The following NDUFB8 variants were observed in gnomAD, a reference collection of about 807,000 sequenced individuals.
The protein encoded by NDUFB8 is NADH:ubiquinone oxidoreductase subunit B8.
Under a neutral mutation model 26.0 loss-of-function variants are expected in NDUFB8, and 17 were observed. The ratio of observed to expected loss-of-function variants is 0.65; its 90% CI spans 0.45 to 0.98. NDUFB8 has a LOEUF of 0.98. Ranked by LOEUF, NDUFB8 falls within the 50% of genes least tolerant of loss-of-function variation. NDUFB8 has a pLI of 0.00. For synonymous variants in NDUFB8, 89 were observed against 93.1 expected (o/e 0.96, Z 0.25); for missense variants, 238 against 255.0 (o/e 0.93, Z 0.45).
Position 100,529,524 on chromosome 10 carries a change from A to G in NDUFB8, c.86-18T>C. The G allele has an allele frequency of 6.2e-7, 1 of 1,611,494 alleles. No homozygotes were observed. Among genetic ancestry groups the G allele is most frequent in the Non-Finnish European group, 8.5e-7 (1 of 1,179,268 alleles). On this transcript the variant is annotated intron_variant, in intron 1 of 4. Coordinates refer to ENST00000299166, the MANE Select transcript of NDUFB8 (RefSeq NM_005004.4). ...GTGGGAGGCTAGAACGCAGAAGAGA[A>G]CAGGTCAGAAGCGAGCCCGCTCTCC...
chr10:100,524,199 G>C lies in NDUFB8; in HGVS notation c.469-270C>G. 1 of 1,409,658 alleles carries C rather than the reference G, an allele frequency of 7.1e-7. No individual in the cohort carries two copies. The highest frequency in any genetic ancestry group is 9.8e-7 in the Non-Finnish European group (1 of 1,017,148). The allele number at this position is 1,409,658 out of a possible 1,614,324, so 87.3% of individuals were successfully genotyped here. A position where few individuals can be genotyped will look rare whatever the true frequency, so the allele number is the denominator to read the frequency against. On this transcript the variant is annotated intron_variant, in intron 4 of 4. Transcript: ENST00000299166. This position sits in a 1 kb window ranked among gnomAD's most constrained non-coding sequence, Gnocchi z 4.0. ...GGTTAGGGAAAGGAGGGGAAGGGAG[G>C]AAGACAGGGAGGGAGGTAAAGAAAG... is the stretch of plus-strand genomic sequence containing the variant.
At position 100,524,056 on chromosome 10, in the gene NDUFB8, T is replaced by G; in HGVS notation, c.469-127A>C. On this transcript the variant is annotated intron_variant, in intron 4 of 4. Transcript: ENST00000299166. This position sits in a 1 kb window ranked among gnomAD's most constrained non-coding sequence, Gnocchi z 4.0. ...AGCCTCTGGTCAGACCCAGCTGGGC[T>G]AGGAAGGCAGGAACAGCACTCCTCT... 1 of 1,582,328 alleles carries G rather than the reference T, an allele frequency of 6.3e-7. No individual in the cohort carries two copies. Among genetic ancestry groups the G allele is most frequent in the African/African-American group, 1.3e-5 (1 of 74,130 alleles).
Position 100,526,525 on chromosome 10 carries a change from C to T in NDUFB8, c.342G>A (p.Arg114=). The change falls in exon 4 of 5, where the codon AGG becomes AGA. Residue 114 remains arginine, a synonymous_variant. Transcript: ENST00000299166. ...PMHWHLDMYN[R]NRVDTSPTPV... is the part of the protein sequence containing the mutation. Reference sequence around the variant, plus strand: ...GTGTGGGGGATGTATCCACACGGTTCCTGTTGTACATGTCTAGGTGCCAGT... The same window carrying T: ...GTGTGGGGGATGTATCCACACGGTTTCTGTTGTACATGTCTAGGTGCCAGT... The T allele has an allele frequency of 6.2e-7, 1 of 1,612,730 alleles. No homozygotes were observed. The highest frequency in any genetic ancestry group is 8.5e-7 in the Non-Finnish European group (1 of 1,179,704).
At chr10:100,529,643 A>G (rs899824832) in intron 1 of NDUFB8, 124 bp downstream of exon 1, 4 of 1,534,428 alleles carry the variant, frequency 2.6e-6, no homozygotes, top group Non-Finnish European at 3.5e-6. Flanking sequence ...TTTTCTGGAT[A>G]TATCAACGCC....
chr10:100,524,203 A>G lies in NDUFB8; in HGVS notation c.469-274T>C. On this transcript the variant is annotated intron_variant, in intron 4 of 4. Coordinates refer to ENST00000299166, the MANE Select transcript of NDUFB8 (RefSeq NM_005004.4). The surrounding 1 kb of genome is among the most constrained non-coding windows in gnomAD (Gnocchi z 4.0). ...AGGGAAAGGAGGGGAAGGGAGGAAG[A>G]CAGGGAGGGAGGTAAAGAAAGAGAG... The G allele has an allele frequency of 7.2e-7, 1 of 1,384,482 alleles. No individual in the cohort carries two copies. The highest frequency in any genetic ancestry group is 2.0e-5 in the Admixed American group (1 of 50,944). The allele number at this position is 1,384,482 out of a possible 1,614,324, so 85.8% of individuals were successfully genotyped here. A position where few individuals can be genotyped will look rare whatever the true frequency, so the allele number is the denominator to read the frequency against.
chr10:100,529,398 T>C lies in NDUFB8; in HGVS notation c.194A>G (p.Tyr65Cys), dbSNP rs752691357. Reference protein sequence around the residue: ...YNMRVEDYEPYPDDGMGYGDY... With the variant: ...YNMRVEDYEPCPDDGMGYGDY... ...GTCTCACCCCATGCCATCATCCGGG[T>C]AAGGTTCGTAGTCTTCCACACGCAT... The change falls in exon 2 of 5, where the codon TAC becomes TGC. Residue 65 changes from tyrosine (Y) to cysteine (C), a missense_variant. Coordinates refer to ENST00000299166, the MANE Select transcript of NDUFB8 (RefSeq NM_005004.4). The C allele has an allele frequency of 2.5e-6, 4 of 1,610,698 alleles. No individual in the cohort carries two copies. In the Admixed American group the frequency reaches 6.8e-5, roughly 27 times the overall value.
intron 1 of NDUFB8, 97 bp downstream of exon 1, chr10:100,529,670 C>T (rs1029750089): frequency 5.1e-5 from 79 of 1,543,932 alleles, no homozygotes; most frequent in Middle Eastern, 3.8e-4. Flanking sequence ...ACTCCCTACC[C>T]GGAGGCTGCC....
chr10:100,529,517 G>T lies in NDUFB8; in HGVS notation c.86-11C>A, dbSNP rs1852113417. On this transcript the variant is annotated splice_polypyrimidine_tract_variant and intron_variant, in intron 1 of 4. Transcript: ENST00000299166. ...TGGTCATGTGGGAGGCTAGAACGCA[G>T]AAGAGAACAGGTCAGAAGCGAGCCC... 6.2e-7 allele frequency: 1 copy of T among 1,611,920 alleles called. No homozygotes were observed. Among genetic ancestry groups the T allele is most frequent in the Non-Finnish European group, 8.5e-7 (1 of 1,179,474 alleles).
intron 4 of NDUFB8, 32 bp from the exon 5 acceptor site, chr10:100,523,961 T>C (rs201544813): frequency 8.7e-6 from 14 of 1,613,860 alleles, no homozygotes; most frequent in African/African-American, 4.0e-5. Flanking sequence ...AGCAAGAACA[T>C]ACATTCAGTC....
intron 4 of NDUFB8, among the ~76,000 whole-genome samples, chr10:100,525,615 CGT>C (rs56705301): frequency 0.041 from 4,140 of 100,030 alleles, 242 homozygotes; most frequent in East Asian, 0.077. Context: ...CCACCCAAAG[CGT>C]GTGTGTGTGT....
chr10:100,529,223 A>ACC (rs71472544), intron 2 of NDUFB8, 157 bp downstream of exon 2: 2 of 120,964 alleles, frequency 1.7e-5, no homozygotes, highest in African/African-American at 9.2e-5. Flanking sequence ...CTGCTCACCC[A>ACC]CCCCCCTCCC....
At chr10:100,528,460 G>C (rs916621363) in intron 2 of NDUFB8, among the ~76,000 whole-genome samples, 1 of 152,150 alleles carries the variant, frequency 6.6e-6, no homozygotes, top group East Asian at 1.9e-4. Context: ...AAGTCACCCA[G>C]CTAATTGGAA....
downstream of NDUFB8, chr10:100,523,731 AGG>A (rs1851996196): frequency 9.5e-7 from 1 of 1,048,234 alleles, no homozygotes; most frequent in South Asian, 1.5e-5. Context: ...TGGGGAAATG[AGG>A]CACAAATAAC....
Position 100,524,718 on chromosome 10 carries a change from G to A in NDUFB8, c.469-789C>T, listed in dbSNP as rs1049564335. On this transcript the variant is annotated intron_variant, in intron 4 of 4. Transcript: ENST00000299166. The surrounding 1 kb of genome is among the most constrained non-coding windows in gnomAD (Gnocchi z 4.0). The stretch of plus-strand genomic sequence containing the variant: ...TGGGCAGCCAACTGCAAACACAGCA[G>A]CCTCCCTGCTTTCAGCTTCTCTCCT... Among the ~76,000 whole-genome samples, 3 of 152,210 alleles carry A rather than the reference G, an allele frequency of 2.0e-5. No homozygotes were observed. The highest frequency in any genetic ancestry group is 7.2e-5 in the African/African-American group (3 of 41,456).
chr10:100,529,231 C>G, intron 2 of NDUFB8, 149 bp downstream of exon 2: 1 of 185,314 alleles, frequency 5.4e-6, no homozygotes, highest in South Asian at 1.0e-4. Flanking sequence ...CCACCCCCCT[C>G]CCACCTCCCT....
intron 2 of NDUFB8, among the ~76,000 whole-genome samples, chr10:100,527,761 C>G (rs1852076692): frequency 1.3e-5 from 2 of 152,186 alleles, no homozygotes; most frequent in South Asian, 2.1e-4. Context: ...GGACAACATA[C>G]ACGAAGGGGG....
chr10:100,526,923 C>T (rs1319540154), intron 3 of NDUFB8, 52 bp downstream of exon 3: 35 of 1,530,822 alleles, frequency 2.3e-5, no homozygotes, highest in Non-Finnish European at 2.9e-5. Flanking sequence ...GCTAAAGAAT[C>T]GCCAAGAAGA....
At chr10:100,526,684 C>G in intron 3 of NDUFB8, 130 bp from the exon 4 acceptor site, 1 of 1,178,194 alleles carries the variant, frequency 8.5e-7, no homozygotes, top group Non-Finnish European at 1.2e-6. Flanking sequence ...ATGCTGAGAA[C>G]CAGGTCTGAG....
intron 2 of NDUFB8, 147 bp downstream of exon 2, chr10:100,529,233 C>T: frequency 5.1e-6 from 1 of 195,460 alleles, no homozygotes; most frequent in Non-Finnish European, 1.0e-5. Context: ...ACCCCCCTCC[C>T]ACCTCCCTCC....
Sources: allele counts gnomAD v4.1 joint callset (sites outside exome capture counted in the v4.1 genomes callset), GRCh38; gene constraint gnomAD v4.1.1; non-coding constraint Gnocchi (gnomAD v3.1); transcripts MANE v1.5; gene names NCBI Gene and HGNC (gene_info 2026-07-23, HGNC 2026-07-21).